PET100: variants seen among roughly 807,000 people sequenced by gnomAD.
PET100 encodes the protein PET100 cytochrome c oxidase chaperone, also known as protein PET100 homolog, mitochondrial.
A neutral mutation model predicts 13.6 loss-of-function variants in PET100; 13 were observed. The ratio of observed to expected loss-of-function variants is 0.96; its 90% CI spans 0.62 to 1.52. The LOEUF is 1.52. Ranked by LOEUF, PET100 falls within the 40% of genes most tolerant of loss-of-function variation. The pLI is 0.00. For missense variants in PET100, 94 were observed against 95.3 expected (o/e 0.99, Z 0.06); for synonymous variants, 28 against 30.8 (o/e 0.91, Z 0.30).
Position 7,631,526 on chromosome 19 carries a change from G to T in PET100, c.192G>T (p.Lys64Asn). Residue 64 changes from lysine to asparagine, a missense_variant, in exon 4 of 4, where the codon AAG (lysine) becomes AAT (asparagine). Transcript: ENST00000594797. ...GGTTACGGAAGCGGCGGGAGGAGAA[G>T]CTCCTTCGCGACGCCCAGCAGAACT... ...KERLRKRREE[K>N]LLRDAQQNS The T allele has an allele frequency of 7.2e-6, 11 of 1,536,000 alleles. No homozygotes were observed. The highest frequency in any genetic ancestry group is 9.6e-6 in the Non-Finnish European group (11 of 1,146,722).
chr19:7,630,536 G>T, intron 1 of PET100, 37 bp from the exon 2 acceptor site: 2 of 1,465,252 alleles, frequency 1.4e-6, no homozygotes, highest in South Asian at 1.2e-5. Flanking sequence ...CACATTGCTT[G>T]GGGGGAGCTC....
chr19:7,630,119 G>T, intron 1 of PET100: 1 of 491,700 alleles, frequency 2.0e-6, no homozygotes, highest in Non-Finnish European at 3.6e-6. Flanking sequence ...GAGCTGAGAA[G>T]GGGGCTCTAA....
At chr19:7,630,701 G>C in intron 2 of PET100, 42 bp downstream of exon 2, 1 of 1,532,596 alleles carries the variant, frequency 6.5e-7, no homozygotes, top group East Asian at 2.4e-5. Context: ...TCCAGGGGTG[G>C]GAGAGGGTGT....
chr19:7,629,879 G>T lies in PET100; in HGVS notation c.27+19G>T, dbSNP rs1455072365. On this transcript the variant is annotated intron_variant, in intron 1 of 3. Transcript: ENST00000594797. ...ATTTCGGGTCAGTGGACACAGGAGT[G>T]GGTTGGGAGGCTGGGCAGGGGATCT... 1 of 1,521,882 alleles carries T rather than the reference G, an allele frequency of 6.6e-7. No homozygotes were observed. Among genetic ancestry groups the T allele is most frequent in the East Asian group, 2.5e-5 (1 of 40,716 alleles). 94.3% of individuals were successfully genotyped at this position (1,521,882 alleles called of 1,614,324 possible).
Position 7,631,252 on chromosome 19 carries a change from G to A in PET100, c.139-221G>A, listed in dbSNP as rs11882197. On this transcript the variant is annotated intron_variant, in intron 3 of 3. Transcript: ENST00000594797. ...CTCAGCCATGAGTAAGGAACCGAGA[G>A]CAGAGGAGTAGATGGTTTCCTTATT... 493,196 of 1,408,882 alleles carry A rather than the reference G, an allele frequency of 0.35. 87,848 individuals are homozygous for A. Among genetic ancestry groups the A allele is most frequent in the Non-Finnish European group, 0.36 (394,168 of 1,085,836 alleles). The allele number at this position is 1,408,882 out of a possible 1,614,324, so 87.3% of individuals were successfully genotyped here.
At chr19:7,629,951 G>A (rs2031237426) in intron 1 of PET100, 91 bp downstream of exon 1, 2 of 1,375,198 alleles carry the variant, frequency 1.5e-6, no homozygotes, top group South Asian at 3.0e-5. Context: ...TTCAAAGGAA[G>A]AGGGAGCTCC....
At chr19:7,631,288 G>T (rs1341796450) in intron 3 of PET100, 185 bp from the exon 4 acceptor site, 1 of 1,413,814 alleles carries the variant, frequency 7.1e-7, no homozygotes, top group Admixed American at 3.1e-5. Context: ...GCCTTCTCCT[G>T]GAAGAGTGAA....
rs772434391 is a variant in PET100, at chr19:7,630,959, C to T, written c.138+113C>T. On this transcript the variant is annotated intron_variant, in intron 3 of 3. Transcript: ENST00000594797. ...GCGCAGTGGCTCATGCTTGTAATCC[C>T]AGGGCATGGGAGGCTGAGGTGGGTA... 20 of 1,356,776 alleles carry T rather than the reference C, an allele frequency of 1.5e-5. No homozygotes were observed. In the African/African-American group the frequency reaches 2.9e-4, roughly 20 times the overall value. The allele number at this position is 1,356,776 out of a possible 1,614,324, so 84.0% of individuals were successfully genotyped here. A position where few individuals can be genotyped will look rare whatever the true frequency, so the allele number is the denominator to read the frequency against.
At chr19:7,631,366 C>T (rs1324453335) in intron 3 of PET100, 107 bp from the exon 4 acceptor site, 30 of 987,956 alleles carry the variant, frequency 3.0e-5, no homozygotes, top group East Asian at 1.2e-4. Flanking sequence ...ACCCTGAAGC[C>T]GTGGTCTGGG....
At position 7,631,399 on chromosome 19, in the gene PET100, C is replaced by CGGGG. The variant is rs1203991530; in HGVS notation, c.139-68_139-65dup. On this transcript the variant is annotated intron_variant, in intron 3 of 3. Transcript: ENST00000594797. ...GGGGCAGGGTGGTGGGAGAGGTGGG[C>CGGGG]GGGGGGGGGTGGTCCCGGCTCTGAG... 19 of 584,062 alleles carry CGGGG rather than the reference C, an allele frequency of 3.3e-5. No individual in the cohort carries two copies. The African/African-American group carries it at 6.0e-4, about 18-fold the overall frequency. The allele number at this position is 584,062 out of a possible 1,614,324, so 36.2% of individuals were successfully genotyped here. A position where few individuals can be genotyped will look rare whatever the true frequency, so the allele number is the denominator to read the frequency against.
rs991429105 is a variant in PET100 at position 7,631,119 on chromosome 19, A to G, written c.138+273A>G. On this transcript the variant is annotated intron_variant, in intron 3 of 3. Transcript: ENST00000594797. Reference sequence around the variant, plus strand: ...GCTGCTTGGGAGGCTGAGGGAGAAGAATCACTTGAACCCAGGAGGTGGAGG... The same window carrying G: ...GCTGCTTGGGAGGCTGAGGGAGAAGGATCACTTGAACCCAGGAGGTGGAGG... The G allele has an allele frequency of 2.8e-5, 22 of 787,666 alleles. 1 individual carries two copies. The highest frequency in any genetic ancestry group is 3.8e-4 in the Middle Eastern group (1 of 2,616). The allele number at this position is 787,666 out of a possible 1,614,324, so 48.8% of individuals were successfully genotyped here.
At chr19:7,630,138 G>A (rs1408870211) in intron 1 of PET100, 6 of 482,522 alleles carry the variant, frequency 1.2e-5, no homozygotes, top group Non-Finnish European at 2.2e-5. Context: ...AAAGAAGGAA[G>A]ACTTAAGATC....
At chr19:7,630,934 G>A (rs757591875) in intron 3 of PET100, 88 bp downstream of exon 3, 1 of 1,476,692 alleles carries the variant, frequency 6.8e-7, no homozygotes, top group South Asian at 1.2e-5. Context: ...TTTAGGCCAG[G>A]CGCAGTGGCT....
rs2031234497 is a variant in PET100, at chr19:7,629,872, C to G, written c.27+12C>G. 1 of 1,530,804 alleles carries G rather than the reference C, an allele frequency of 6.5e-7. No homozygotes were observed. Among genetic ancestry groups the G allele is most frequent in the Non-Finnish European group, 8.7e-7 (1 of 1,143,788 alleles). 94.8% of individuals were successfully genotyped at this position (1,530,804 alleles called of 1,614,324 possible). ...TGGAGATATTTCGGGTCAGTGGACA[C>G]AGGAGTGGGTTGGGAGGCTGGGCAG... On this transcript the variant is annotated intron_variant, in intron 1 of 3. Coordinates refer to ENST00000594797, the MANE Select transcript of PET100 (RefSeq NM_001171155.2).
At chr19:7,630,351 A>G in intron 1 of PET100, 1 of 576,222 alleles carries the variant, frequency 1.7e-6, no homozygotes, top group Non-Finnish European at 3.1e-6. Context: ...TGAGAGGAAG[A>G]CTCCAGCTCA....
rs746204531 is a variant in PET100 at position 7,631,519 on chromosome 19, A to T, written c.185A>T (p.Glu62Val). The change falls in exon 4 of 4, where the codon GAG (glutamate) becomes GTG (valine). Residue 62 changes from glutamate (E) to valine (V), a missense_variant. Transcript: ENST00000594797. ...EFKERLRKRR[E>V]EKLLRDAQQN... is the part of the protein sequence containing the mutation. Reference sequence around the variant, plus strand: ...AAAGAGAGGTTACGGAAGCGGCGGGAGGAGAAGCTCCTTCGCGACGCCCAG... The same window carrying T: ...AAAGAGAGGTTACGGAAGCGGCGGGTGGAGAAGCTCCTTCGCGACGCCCAG... 13 of 1,534,808 alleles carry T rather than the reference A, an allele frequency of 8.5e-6. No individual in the cohort carries two copies. In the East Asian group the frequency reaches 3.2e-4, roughly 38 times the overall value.
intron 3 of PET100, chr19:7,631,272 C>T (rs1391206387): frequency 4.2e-6 from 6 of 1,414,042 alleles, no homozygotes; most frequent in African/African-American, 1.4e-5. Flanking sequence ...AGATGGTTTC[C>T]TTATTGCCTT....
intron 3 of PET100, 34 bp from the exon 4 acceptor site, chr19:7,631,439 C>A (rs1358450286): frequency 2.0e-6 from 3 of 1,520,122 alleles, no homozygotes; most frequent in Non-Finnish European, 2.6e-6. Flanking sequence ...GTGCCCCTCC[C>A]CCCTTCCTGT....
At chr19:7,630,912 T>G in intron 3 of PET100, 66 bp downstream of exon 3, 1 of 1,533,782 alleles carries the variant, frequency 6.5e-7, no homozygotes. Flanking sequence ...GGGATGGGTT[T>G]TAGATGAAAA....
Sources: gnomAD v4.1 joint callset for allele counts on GRCh38, gnomAD v4.1.1 for gene constraint, MANE v1.5 for transcripts, NCBI Gene and HGNC (gene_info 2026-07-23, HGNC 2026-07-21) for gene names.